Variants in ADAMTSL1 observed in about 807,000 individuals in gnomAD.
ADAMTSL1 encodes the protein ADAMTS-like protein 1.
A neutral mutation model predicts 201.8 loss-of-function variants in ADAMTSL1; 126 were observed. That is an observed-to-expected ratio of 0.62 (90% confidence interval 0.54 to 0.72). The LOEUF (loss-of-function observed/expected upper bound fraction) is 0.72. Ranked by LOEUF, ADAMTSL1 falls within the 30% of genes least tolerant of loss-of-function variation. The probability of loss-of-function intolerance (pLI) is 0.00; values close to 1 mark genes in which losing one functional copy is unlikely to be tolerated. For synonymous variants in ADAMTSL1, 1,121 were observed against 903.4 expected (o/e 1.24, Z -4.32); for missense variants, 2,679 against 2,277.8 (o/e 1.18, Z -3.59).
chr9:18,024,781 C>A (rs964635099), intron 1 of ADAMTSL1, among the ~76,000 whole-genome samples: 1 of 152,062 alleles, frequency 6.6e-6, no homozygotes, highest in African/African-American at 2.4e-5. Flanking sequence ...GGGCCTATAC[C>A]CAGTAATGGG....
intron 9 of ADAMTSL1, among the ~76,000 whole-genome samples, 168 bp downstream of exon 9, chr9:18,662,241 T>C (rs943123910): frequency 1.3e-5 from 2 of 152,228 alleles, no homozygotes; most frequent in African/African-American, 2.4e-5. Flanking sequence ...CCATACTCCT[T>C]GCTCTGGCTG....
At chr9:18,502,416 C>A (rs1166809738) in intron 1 of ADAMTSL1, among the ~76,000 whole-genome samples, 2 of 152,122 alleles carry the variant, frequency 1.3e-5, no homozygotes, top group African/African-American at 2.4e-5. Context: ...TATTCACATG[C>A]GGCAAACAAA....
At chr9:18,514,819 C>T (rs1440300365) in intron 2 of ADAMTSL1, among the ~76,000 whole-genome samples, 1 of 152,116 alleles carries the variant, frequency 6.6e-6, no homozygotes, top group Non-Finnish European at 1.5e-5. Context: ...ACTTTCAGTA[C>T]TCTTTTGAAC....
intron 9 of ADAMTSL1, among the ~76,000 whole-genome samples, chr9:18,664,491 A>G (rs992878241): frequency 3.3e-5 from 5 of 152,100 alleles, no homozygotes; most frequent in African/African-American, 9.6e-5. Context: ...GGGAAAACCA[A>G]CGTTCTTGGT....
intron 1 of ADAMTSL1, among the ~76,000 whole-genome samples, chr9:18,088,987 A>G (rs1823888210): frequency 6.6e-6 from 1 of 152,200 alleles, no homozygotes; most frequent in South Asian, 2.1e-4. Flanking sequence ...AACAACCTAA[A>G]TGTCTATCAA....
At chr9:18,336,099 A>G (rs963932292) in intron 2 of ADAMTSL1, among the ~76,000 whole-genome samples, 1 of 152,170 alleles carries the variant, frequency 6.6e-6, no homozygotes, top group African/African-American at 2.4e-5. Context: ...AATACTTTAC[A>G]TAAGCCTTAT....
intron 1 of ADAMTSL1, among the ~76,000 whole-genome samples, chr9:17,933,818 G>A (rs1367456448): frequency 6.6e-6 from 1 of 152,030 alleles, no homozygotes; most frequent in Non-Finnish European, 1.5e-5. Flanking sequence ...TGATCCAGTC[G>A]CCTCCCACCA....
At position 18,595,312 on chromosome 9, in the gene ADAMTSL1, T is replaced by C. The variant is rs1345580007; in HGVS notation, c.474+21046T>C. 3.3e-5 allele frequency among the ~76,000 whole-genome samples: 5 copies of C among 152,002 alleles called. No individual in the cohort carries two copies. In the East Asian group the frequency reaches 9.7e-4, roughly 29 times the overall value. ...TCTTCTGTGAGAAGGAGGCTGGTGGTCTGTCTTATTGGATCAGATGGACAT... is the reference window on the plus strand; with the variant it reads ...TCTTCTGTGAGAAGGAGGCTGGTGGCCTGTCTTATTGGATCAGATGGACAT... On this transcript the variant is annotated intron_variant, in intron 4 of 28. Transcript: ENST00000380548.
intron 19 of ADAMTSL1, among the ~76,000 whole-genome samples, chr9:18,783,117 T>C (rs1308252124): frequency 1.3e-5 from 2 of 152,214 alleles, no homozygotes; most frequent in African/African-American, 4.8e-5. Context: ...AAGGGGCCAT[T>C]GCAGTAGCCC....
chr9:18,806,236 C>T (rs1823109291), intron 20 of ADAMTSL1, among the ~76,000 whole-genome samples: 1 of 152,180 alleles, frequency 6.6e-6, no homozygotes, highest in African/African-American at 2.4e-5. Context: ...TAGTTTATTT[C>T]TTGCTCACAT....
chr9:18,258,103 A>T (rs7048800), intron 2 of ADAMTSL1, among the ~76,000 whole-genome samples: 4 of 150,700 alleles, frequency 2.7e-5, no homozygotes, highest in African/African-American at 1.0e-4. Context: ...ACTCTTAAAA[A>T]TAGGTAAAAT....
intron 14 of ADAMTSL1, among the ~76,000 whole-genome samples, chr9:18,710,641 G>A (rs568793065): frequency 1.5e-5 from 2 of 135,424 alleles, no homozygotes; most frequent in East Asian, 4.4e-4. Context: ...CCCATTCCTT[G>A]CAGTCTTAGA....
At chr9:18,233,371 TTTTTA>T (rs1190599630) in intron 2 of ADAMTSL1, among the ~76,000 whole-genome samples, 7 of 152,238 alleles carry the variant, frequency 4.6e-5, no homozygotes, top group Non-Finnish European at 1.0e-4. Context: ...AATTTCATCT[TTTTTA>T]TCTTATCCTA....
chr9:18,875,624 A>G (rs10963816), intron 23 of ADAMTSL1, among the ~76,000 whole-genome samples: 10,104 of 152,126 alleles, frequency 0.066, 436 homozygotes, highest in East Asian at 0.19. Flanking sequence ...ACTTGATATA[A>G]TTTTGATTTT....
At chr9:18,890,660 G>A in intron 25 of ADAMTSL1, 1 of 455,260 alleles carries the variant, frequency 2.2e-6, no homozygotes, top group South Asian at 1.6e-5. Context: ...CCACAGGAAT[G>A]ATTAATGTCC....
At chr9:18,466,157 G>T (rs1366307633) in intron 2 of ADAMTSL1, among the ~76,000 whole-genome samples, 2 of 152,140 alleles carry the variant, frequency 1.3e-5, no homozygotes, top group African/African-American at 4.8e-5. Context: ...TTCCATAACT[G>T]CCAGTTTCTG....
intron 1 of ADAMTSL1, among the ~76,000 whole-genome samples, chr9:17,922,498 G>A (rs1163592989): frequency 2.0e-5 from 3 of 152,116 alleles, no homozygotes; most frequent in African/African-American, 7.2e-5. Flanking sequence ...TGGGTTTAGG[G>A]ATATGCGTTT....
intron 1 of ADAMTSL1, among the ~76,000 whole-genome samples, chr9:18,112,539 G>C (rs1338994176): frequency 2.6e-5 from 4 of 150,990 alleles, no homozygotes. Context: ...TGCTTCCTGA[G>C]ATCATACCCT....
chr9:18,271,115 C>T (rs1832344020), intron 2 of ADAMTSL1, among the ~76,000 whole-genome samples: 1 of 152,094 alleles, frequency 6.6e-6, no homozygotes. Flanking sequence ...TAGTAACTAA[C>T]ATTGCTCTAA....
Sources: gnomAD v4.1 joint callset for allele counts (sites outside exome capture counted in the v4.1 genomes callset) on GRCh38, gnomAD v4.1.1 for gene constraint, MANE v1.5 for transcripts, NCBI Gene and HGNC (gene_info 2026-07-23, HGNC 2026-07-21) for gene names.